The following MTG1 variants were observed in gnomAD, a reference collection of about 807,000 sequenced individuals.
The protein encoded by MTG1 is mitochondrial ribosome-associated GTPase 1.
A neutral mutation model predicts 39.5 loss-of-function variants in MTG1; 30 were observed. The observed-to-expected ratio is 0.76, with a 90% CI of 0.57 to 1.03. MTG1 has a LOEUF of 1.03. Among genes scored for constraint, MTG1 ranks in the 50% least tolerant of loss-of-function variants. MTG1 has a pLI of 0.00. For synonymous variants in MTG1, 217 were observed against 179.0 expected, an observed-to-expected ratio of 1.21 and a Z score of -1.69; for missense variants, 513 against 447.4, an observed-to-expected ratio of 1.15 and a Z score of -1.32.
chr10:133,399,073 A>G (rs901184745), intron 4 of MTG1, 97 bp from the exon 5 acceptor site: 1 of 1,320,882 alleles, frequency 7.6e-7, no homozygotes, highest in African/African-American at 1.4e-5. Context: ...AAGTGGAGAC[A>G]CTGGAATCCC....
At chr10:133,395,570 G>C in intron 1 of MTG1, 143 bp from the exon 2 acceptor site, 1 of 771,524 alleles carries the variant, frequency 1.3e-6, no homozygotes, top group African/African-American at 1.7e-5. Flanking sequence ...GATGTTATCT[G>C]TTACCATTAC....
intron 9 of MTG1, among the ~76,000 whole-genome samples, chr10:133,411,643 CTTTT>C (rs1178734706): frequency 6.6e-6 from 1 of 152,070 alleles, no homozygotes; most frequent in East Asian, 1.9e-4. Flanking sequence ...TTTCATTCTT[CTTTT>C]TTCTCTTTCC....
At chr10:133,400,963 C>T (rs1849865814) in intron 6 of MTG1, among the ~76,000 whole-genome samples, 1 of 152,222 alleles carries the variant, frequency 6.6e-6, no homozygotes, top group African/African-American at 2.4e-5. Context: ...TGTGTACAGA[C>T]CACATCCTGT....
intron 1 of MTG1, among the ~76,000 whole-genome samples, chr10:133,394,963 C>T (rs895955324): frequency 6.6e-6 from 1 of 152,154 alleles, no homozygotes; most frequent in Non-Finnish European, 1.5e-5. Context: ...CTTCGGATAA[C>T]ACTGGAGGGG....
chr10:133,399,740 C>T (rs1341949405), intron 6 of MTG1, 121 bp downstream of exon 6: 6 of 966,376 alleles, frequency 6.2e-6, no homozygotes, highest in East Asian at 5.0e-5. Context: ...TTCTGCTGAC[C>T]CCGCAGCCCC....
At chr10:133,417,912 G>A (rs1428731652) in intron 9 of MTG1, among the ~76,000 whole-genome samples, 10 of 152,236 alleles carry the variant, frequency 6.6e-5, no homozygotes, top group Non-Finnish European at 1.3e-4. Flanking sequence ...ATGCTCATTG[G>A]TAGGAAGAAT....
chr10:133,413,824 C>T (rs1263974137), intron 9 of MTG1, among the ~76,000 whole-genome samples: 2 of 151,618 alleles, frequency 1.3e-5, no homozygotes, highest in African/African-American at 4.9e-5. Flanking sequence ...ATACAGTTAT[C>T]TTTTAAAGAA....
chr10:133,402,113 C>T lies in MTG1; in HGVS notation c.574-36C>T. ...GTGGCCCACCTGGGTGGGAGGCTGC[C>T]ACCGCGGCCTGATCATGCCCTCTGT... On this transcript the variant is annotated intron_variant, in intron 7 of 10. Transcript: ENST00000317502. This position sits in a 1 kb window ranked among gnomAD's most constrained non-coding sequence, Gnocchi z 4.7. 1.9e-6 allele frequency: 3 copies of T among 1,612,534 alleles called. No individual in the cohort carries two copies. Among genetic ancestry groups the T allele is most frequent in the Non-Finnish European group, 2.5e-6 (3 of 1,179,138 alleles).
chr10:133,406,563 T>C (rs1849973041), intron 9 of MTG1, among the ~76,000 whole-genome samples: 2 of 152,114 alleles, frequency 1.3e-5, no homozygotes, highest in African/African-American at 2.4e-5. Context: ...CCTGTGCTTT[T>C]GAGGTCTTAT....
At chr10:133,404,739 G>A (rs1282037479) in intron 9 of MTG1, among the ~76,000 whole-genome samples, 2 of 152,072 alleles carry the variant, frequency 1.3e-5, no homozygotes, top group African/African-American at 2.4e-5. Context: ...GCAGATTGAA[G>A]TTCTTTTTTT....
At chr10:133,417,472 CAG>C (rs1850148558) in intron 9 of MTG1, among the ~76,000 whole-genome samples, 1 of 149,978 alleles carries the variant, frequency 6.7e-6, no homozygotes, top group African/African-American at 2.4e-5. Flanking sequence ...TGGCACAAGA[CAG>C]GGATGCCCTC....
In MTG1 at chr10:133,402,495, T is replaced by C. The variant is rs1366285540; in HGVS notation, c.671-197T>C. 2.9e-6 allele frequency: 2 copies of C among 683,228 alleles called. No homozygotes were observed. Among genetic ancestry groups the C allele is most frequent in the Non-Finnish European group, 4.9e-6 (2 of 404,112 alleles). 42.3% of individuals were successfully genotyped at this position (683,228 alleles called of 1,614,324 possible). A position where few individuals can be genotyped will look rare whatever the true frequency, so the allele number is the denominator to read the frequency against. On this transcript the variant is annotated intron_variant, in intron 8 of 10. Transcript: ENST00000317502. The surrounding 1 kb of genome is among the most constrained non-coding windows in gnomAD (Gnocchi z 4.7). ...ATTTGACGGACCAGGGCAGAGAGGT[T>C]GGTCGCAGGTGCCAGGCAGGAGTGG...
chr10:133,396,417 C>T, intron 3 of MTG1, 150 bp downstream of exon 3: 2 of 682,964 alleles, frequency 2.9e-6, no homozygotes, highest in Non-Finnish European at 5.0e-6. Flanking sequence ...CAGAAGCGTG[C>T]CAGCATCGTT....
chr10:133,420,031 GTGAACATTA>G lies in MTG1; in HGVS notation c.873_881del (p.Asn292_Ile294del), dbSNP rs1564824539. ...TGAACCCTCCCGTCCCCCAGGTAAC[GTGAACATTA>G]TTCAGCCTAACTATCCTGCGGCAGC... On this transcript the variant is annotated inframe_deletion, in exon 11 of 11. Coordinates refer to ENST00000317502, the MANE Select transcript of MTG1 (RefSeq NM_138384.4). The G allele has an allele frequency of 1.2e-6, 2 of 1,609,524 alleles. No individual in the cohort carries two copies. Among genetic ancestry groups the G allele is most frequent in the Admixed American group, 3.4e-5 (2 of 59,634 alleles).
At position 133,421,723 on chromosome 10, in the gene MTG1, C is replaced by G. The variant is rs1433409874; in HGVS notation, c.*1558C>G. 1 of 153,106 alleles carries G rather than the reference C, an allele frequency of 6.5e-6. No homozygotes were observed. Among genetic ancestry groups the G allele is most frequent in the Admixed American group, 6.5e-5 (1 of 15,282 alleles). 9.5% of individuals were successfully genotyped at this position (153,106 alleles called of 1,614,324 possible). A position where few individuals can be genotyped will look rare whatever the true frequency, so the allele number is the denominator to read the frequency against. The stretch of plus-strand genomic sequence containing the variant: ...GAGTCCTGCCAACAGCTTCCAGATC[C>G]TCACCCAGGCCAGAACCCAGGCCAG... On this transcript the variant is annotated 3_prime_UTR_variant, in exon 11 of 11. Coordinates refer to ENST00000317502, the MANE Select transcript of MTG1 (RefSeq NM_138384.4).
At position 133,420,105 on chromosome 10, in the gene MTG1, T is replaced by C; in HGVS notation, c.945T>C (p.Gly315=). 1 of 1,613,488 alleles carries C rather than the reference T, an allele frequency of 6.2e-7. No homozygotes were observed. Among genetic ancestry groups the C allele is most frequent in the Non-Finnish European group, 8.5e-7 (1 of 1,179,822 alleles). Residue 315 remains glycine, a synonymous_variant, in exon 11 of 11, where the codon GGT becomes GGC. Coordinates refer to ENST00000317502, the MANE Select transcript of MTG1 (RefSeq NM_138384.4). ...FLQTFRRGLL[G]SVMLDLDVLR... is the part of the protein sequence containing the mutation. ...AGACTTTCCGCCGTGGGCTGCTGGGTTCCGTGATGCTGGACCTCGACGTCC... is the reference window on the plus strand; with the variant it reads ...AGACTTTCCGCCGTGGGCTGCTGGGCTCCGTGATGCTGGACCTCGACGTCC...
Position 133,420,288 on chromosome 10 carries a change from C to G in MTG1, c.*123C>G. The G allele has an allele frequency of 8.2e-7, 1 of 1,219,464 alleles. No homozygotes were observed. The highest frequency in any genetic ancestry group is 1.1e-6 in the Non-Finnish European group (1 of 917,504). 75.5% of individuals were successfully genotyped at this position (1,219,464 alleles called of 1,614,324 possible). On this transcript the variant is annotated 3_prime_UTR_variant, in exon 11 of 11. Coordinates refer to ENST00000317502, the MANE Select transcript of MTG1 (RefSeq NM_138384.4). ...ATGCTGGTCACTAGGGTGCTGTGCT[C>G]TCTGGCGCCCCACAGCCTGGCCAGC...
intron 3 of MTG1, 33 bp from the exon 4 acceptor site, chr10:133,398,402 A>C: frequency 1.2e-6 from 2 of 1,605,316 alleles, no homozygotes; most frequent in Non-Finnish European, 1.7e-6. Context: ...CTCCAGTAAA[A>C]AAAGTAACAT....
At chr10:133,416,024 TGTCGGGCAGGCGGGC>T (rs200777405) in intron 9 of MTG1, among the ~76,000 whole-genome samples, 5,949 of 138,114 alleles carry the variant, frequency 0.043, 398 homozygotes, top group African/African-American at 0.17. Context: ...GGCACGTGGG[TGTCGGGCAGGCGGGC>T]GTCGGGCAGG....
Sources: allele counts gnomAD v4.1 joint callset (sites outside exome capture counted in the v4.1 genomes callset), GRCh38; gene constraint gnomAD v4.1.1; non-coding constraint Gnocchi (gnomAD v3.1); transcripts MANE v1.5; gene names NCBI Gene and HGNC (gene_info 2026-07-23, HGNC 2026-07-21).